SHANK2: variants seen among roughly 807,000 people sequenced by gnomAD.
The protein encoded by SHANK2 is SH3 and multiple ankyrin repeat domains protein 2.
A neutral mutation model predicts 133.7 loss-of-function variants in SHANK2; 43 were observed. The ratio of observed to expected loss-of-function variants is 0.32; its 90% CI spans 0.25 to 0.41. The LOEUF (loss-of-function observed/expected upper bound fraction) is 0.41, where lower values mean the gene tolerates loss of function less well. SHANK2 is among the 10% of genes least tolerant of loss of function. SHANK2 has a pLI of 1.00. For synonymous variants in SHANK2, 1,017 were observed against 952.8 expected (o/e 1.07, Z -1.24); for missense variants, 1,994 against 2,235.8 (o/e 0.89, Z 2.18).
intron 17 of SHANK2, among the ~76,000 whole-genome samples, chr11:70,610,383 G>A (rs2060642699): frequency 6.6e-6 from 1 of 152,094 alleles, no homozygotes; most frequent in African/African-American, 2.4e-5. Context: ...CTGGTTTTAT[G>A]AGTCTAATGT....
At chr11:70,852,297 C>A (rs566929328) in intron 11 of SHANK2, among the ~76,000 whole-genome samples, 7 of 152,292 alleles carry the variant, frequency 4.6e-5, no homozygotes, top group African/African-American at 1.7e-4. Flanking sequence ...ATTGGGAGAG[C>A]GAGGAACGTA....
chr11:71,167,641 C>T (rs368910196), intron 2 of SHANK2, among the ~76,000 whole-genome samples: 2 of 147,176 alleles, frequency 1.4e-5, no homozygotes, highest in East Asian at 2.1e-4. Context: ...CCTCACTTCC[C>T]GGACAGGACA....
intron 17 of SHANK2, among the ~76,000 whole-genome samples, chr11:70,641,088 T>C (rs577646761): frequency 4.1e-5 from 6 of 147,490 alleles, no homozygotes; most frequent in African/African-American, 2.5e-5. Flanking sequence ...TGCTTTTTTT[T>C]CTTTTTTTCT....
At chr11:70,677,385 A>G (rs1390773313) in intron 15 of SHANK2, among the ~76,000 whole-genome samples, 2 of 152,052 alleles carry the variant, frequency 1.3e-5, no homozygotes, top group African/African-American at 4.8e-5. Context: ...AGTCTCCTCT[A>G]TCCTTTAAGT....
intron 11 of SHANK2, among the ~76,000 whole-genome samples, chr11:70,873,518 A>G (rs72956658): frequency 3.5e-4 from 53 of 152,328 alleles, no homozygotes; most frequent in South Asian, 8.3e-4. Flanking sequence ...ACCTTCTAGC[A>G]GTGGTCCCAT....
chr11:70,637,845 G>C (rs1555004927), intron 17 of SHANK2, among the ~76,000 whole-genome samples: 2 of 152,232 alleles, frequency 1.3e-5, no homozygotes, highest in South Asian at 2.1e-4. Flanking sequence ...GCCTCAGGCT[G>C]ACCAGTGAGT....
At chr11:70,751,820 T>C (rs1946754461) in intron 14 of SHANK2, among the ~76,000 whole-genome samples, 1 of 152,036 alleles carries the variant, frequency 6.6e-6, no homozygotes. Flanking sequence ...AAGCTACATA[T>C]GTGTATTGAA....
chr11:70,499,495 G>A (rs998708894), intron 21 of SHANK2, among the ~76,000 whole-genome samples: 1 of 152,208 alleles, frequency 6.6e-6, no homozygotes, highest in African/African-American at 2.4e-5. Context: ...AGGGACTTCT[G>A]TTGTCCCACG....
chr11:70,724,298 A>C (rs1946132321), intron 14 of SHANK2, among the ~76,000 whole-genome samples: 1 of 152,156 alleles, frequency 6.6e-6, no homozygotes, highest in Admixed American at 6.5e-5. Flanking sequence ...AGCCTCCCAA[A>C]GTGCTGGGAT....
intron 13 of SHANK2, among the ~76,000 whole-genome samples, chr11:70,805,433 G>T (rs149647993): frequency 2.0e-5 from 3 of 152,332 alleles, no homozygotes; most frequent in East Asian, 1.9e-4. Flanking sequence ...CCTAGAACGG[G>T]GTTGCTAACA....
intron 11 of SHANK2, among the ~76,000 whole-genome samples, chr11:70,824,154 G>C (rs946400760): frequency 1.3e-5 from 2 of 151,922 alleles, no homozygotes; most frequent in African/African-American, 4.8e-5. Context: ...CAGAGCTCAC[G>C]GGAGACAGTT....
chr11:70,793,245 T>C (rs900270306), intron 14 of SHANK2, among the ~76,000 whole-genome samples: 1 of 152,224 alleles, frequency 6.6e-6, no homozygotes, highest in African/African-American at 2.4e-5. Context: ...AACACAATAT[T>C]CGTGTGAAAT....
chr11:70,642,427 G>T (rs1050682299), intron 17 of SHANK2, among the ~76,000 whole-genome samples: 31 of 152,228 alleles, frequency 2.0e-4, no homozygotes, highest in Non-Finnish European at 5.9e-5. Context: ...GGCCTCAGCA[G>T]GAAGTCTGGG....
intron 14 of SHANK2, among the ~76,000 whole-genome samples, chr11:70,701,446 G>T (rs1353890074): frequency 1.3e-5 from 2 of 152,104 alleles, no homozygotes; most frequent in Non-Finnish European, 2.9e-5. Context: ...CTGTCATCCA[G>T]GCTGGAGTGC....
chr11:70,807,050 G>A lies in SHANK2; in HGVS notation c.1615C>T (p.Pro539Ser), dbSNP rs1948178800. ...RLFVAVKPYQ[P>S]QVDGEIPLHR... Reference sequence around the variant, plus strand: ...AGGGGGATCTCGCCGTCCACTTGGGGTTGGTATGGCTTGACAGCGACGAAG... The same window carrying A: ...AGGGGGATCTCGCCGTCCACTTGGGATTGGTATGGCTTGACAGCGACGAAG... Residue 539 changes from proline to serine, a missense_variant, in exon 13 of 26, where the codon CCC becomes TCC. Pro to Ser is a moderately conservative substitution (Grantham distance 74). Transcript: ENST00000601538. This position sits in a 1 kb window ranked among gnomAD's most constrained non-coding sequence, Gnocchi z 4.8. The A allele has an allele frequency of 1.4e-6, 1 of 718,194 alleles. No individual in the cohort carries two copies. The allele number at this position is 718,194 out of a possible 1,614,324, so 44.5% of individuals were successfully genotyped here.
chr11:70,924,203 C>T (rs1443034172), intron 10 of SHANK2, among the ~76,000 whole-genome samples: 4 of 152,196 alleles, frequency 2.6e-5, no homozygotes, highest in Admixed American at 2.6e-4. Flanking sequence ...CCCCAGGAGT[C>T]CCTCCTGACG....
At chr11:70,477,101 G>A (rs941143645) in intron 25 of SHANK2, among the ~76,000 whole-genome samples, 6 of 152,286 alleles carry the variant, frequency 3.9e-5, no homozygotes, top group South Asian at 2.1e-4. Flanking sequence ...CAGCGGGAGC[G>A]CGAGAGTGGC....
At chr11:70,894,915 G>C (rs549939524) in intron 11 of SHANK2, among the ~76,000 whole-genome samples, 2 of 152,234 alleles carry the variant, frequency 1.3e-5, no homozygotes, top group South Asian at 4.1e-4. Context: ...CCTGTGTGCT[G>C]CTCTTTCATA....
At chr11:71,204,439 G>A (rs1400017833) in intron 2 of SHANK2, among the ~76,000 whole-genome samples, 2 of 152,148 alleles carry the variant, frequency 1.3e-5, no homozygotes, top group Non-Finnish European at 1.5e-5. Flanking sequence ...CCTGTGCCAG[G>A]AAGGGACCCC....
Sources: gnomAD v4.1 joint callset for allele counts (sites outside exome capture counted in the v4.1 genomes callset) on GRCh38, gnomAD v4.1.1 for gene constraint, Gnocchi (gnomAD v3.1) non-coding constraint, MANE v1.5 for transcripts, NCBI Gene and HGNC (gene_info 2026-07-23, HGNC 2026-07-21) for gene names.